Variants in ANTXR1 observed in about 807,000 individuals in gnomAD.
ANTXR1 encodes the protein ANTXR cell adhesion molecule 1, also known as anthrax toxin receptor 1.
ANTXR1 carries 19 observed loss-of-function variants against 78.1 expected under a neutral mutation model. That is an observed-to-expected ratio of 0.24 (90% CI 0.17 to 0.36). ANTXR1 has a LOEUF of 0.36. Ranked by LOEUF, ANTXR1 falls within the 10% of genes least tolerant of loss-of-function variation. The pLI, the probability that ANTXR1 is intolerant of heterozygous loss-of-function variation, is 1.00. For missense variants in ANTXR1, 518 were observed against 718.6 expected (o/e 0.72, Z 3.19); for synonymous variants, 273 against 260.5 (o/e 1.05, Z -0.46).
At chr2:69,137,582 C>T (rs1019853295) in intron 12 of ANTXR1, among the ~76,000 whole-genome samples, 10 of 151,990 alleles carry the variant, frequency 6.6e-5, no homozygotes, top group African/African-American at 2.4e-4. Flanking sequence ...GCCTGGGCAA[C>T]AGGCTCTACA....
At chr2:69,172,464 A>G (rs1674016237) in intron 14 of ANTXR1, 9 of 1,556,096 alleles carry the variant, frequency 5.8e-6, no homozygotes, top group Non-Finnish European at 7.8e-6. Flanking sequence ...CAATGCTCTG[A>G]AAATCATAGT....
At chr2:69,231,367 A>G (rs1008657860) in intron 17 of ANTXR1, among the ~76,000 whole-genome samples, 1 of 152,130 alleles carries the variant, frequency 6.6e-6, no homozygotes. Flanking sequence ...CCATCAGGCA[A>G]TGACTAAAGC....
chr2:69,246,986 T>G lies in ANTXR1; in HGVS notation c.*1501T>G, dbSNP rs1431975241. 1 of 152,160 alleles carries G rather than the reference T, an allele frequency of 6.6e-6. No homozygotes were observed. The highest frequency in any genetic ancestry group is 1.5e-5 in the Non-Finnish European group (1 of 68,042). 9.4% of individuals were successfully genotyped at this position (152,160 alleles called of 1,614,324 possible). ...TGGCTTGGGCTATGGTCTCCAAAGA[T>G]CCTTCAAAAATACATCAAGCCAGCT... On this transcript the variant is annotated 3_prime_UTR_variant, in exon 18 of 18. Coordinates refer to ENST00000303714, the MANE Select transcript of ANTXR1 (RefSeq NM_032208.3).
chr2:69,077,228 C>T, intron 7 of ANTXR1, 180 bp from the exon 8 acceptor site: 2 of 650,364 alleles, frequency 3.1e-6, no homozygotes, highest in Non-Finnish European at 5.5e-6. Context: ...CCAGAGAGGC[C>T]ACTGGTGAGC....
At chr2:69,051,608 A>G (rs1669935881) in intron 3 of ANTXR1, among the ~76,000 whole-genome samples, 1 of 152,066 alleles carries the variant, frequency 6.6e-6, no homozygotes, top group South Asian at 2.1e-4. Flanking sequence ...AATTTTATTT[A>G]GTATCCATGG....
intron 8 of ANTXR1, among the ~76,000 whole-genome samples, chr2:69,084,078 T>C (rs4854542): frequency 0.74 from 113,134 of 152,158 alleles, 43,279 homozygotes; most frequent in African/African-American, 0.93. Context: ...AGATCATTCC[T>C]ATTCTTCCTG....
At chr2:69,084,379 A>G (rs532908846) in intron 8 of ANTXR1, among the ~76,000 whole-genome samples, 2 of 152,300 alleles carry the variant, frequency 1.3e-5, no homozygotes, top group East Asian at 1.9e-4. Flanking sequence ...AGTAGCATCT[A>G]TTTAAGTGAG....
chr2:69,055,437 T>C (rs1284176002), intron 3 of ANTXR1, among the ~76,000 whole-genome samples: 1 of 152,088 alleles, frequency 6.6e-6, no homozygotes, highest in African/African-American at 2.4e-5. Context: ...TCCATGTTGG[T>C]CACAATGATG....
chr2:69,110,818 G>C (rs80285475), intron 10 of ANTXR1, among the ~76,000 whole-genome samples: 57,219 of 151,376 alleles, frequency 0.38, 11,221 homozygotes, highest in East Asian at 0.49. Context: ...GCCAAGATTG[G>C]GCCACTGCAT....
chr2:69,054,837 A>T (rs1453690380), intron 3 of ANTXR1, among the ~76,000 whole-genome samples: 1 of 152,144 alleles, frequency 6.6e-6, no homozygotes, highest in Non-Finnish European at 1.5e-5. Context: ...GATTCATTTC[A>T]TTTTGAGGTA....
chr2:69,164,415 A>G (rs1673772666), intron 13 of ANTXR1, among the ~76,000 whole-genome samples: 1 of 152,254 alleles, frequency 6.6e-6, no homozygotes, highest in African/African-American at 2.4e-5. Flanking sequence ...GAAGTTTATT[A>G]TAATCAGAAA....
At chr2:69,051,829 T>TATATATAA (rs1669942600) in intron 3 of ANTXR1, among the ~76,000 whole-genome samples, 1 of 152,132 alleles carries the variant, frequency 6.6e-6, no homozygotes. Flanking sequence ...AGTGTGCATC[T>TATATATAA]AATCAATATA....
intron 1 of ANTXR1, among the ~76,000 whole-genome samples, chr2:69,023,516 A>AGAT (rs893213627): frequency 3.8e-4 from 32 of 83,750 alleles, no homozygotes; most frequent in East Asian, 2.1e-3. Context: ...GTGGAGGTGG[A>AGAT]GATGATGATG....
chr2:69,240,588 A>G (rs1675872093), intron 17 of ANTXR1, among the ~76,000 whole-genome samples: 1 of 152,242 alleles, frequency 6.6e-6, no homozygotes, highest in Non-Finnish European at 1.5e-5. Flanking sequence ...TTCGGGAACA[A>G]TCGTTTGACT....
chr2:69,188,018 T>C (rs1028791719), intron 16 of ANTXR1, among the ~76,000 whole-genome samples: 32 of 69,038 alleles, frequency 4.6e-4, no homozygotes, highest in Non-Finnish European at 7.4e-4. Context: ...GAAGAAAAGA[T>C]ACAACTGCTG....
intron 17 of ANTXR1, among the ~76,000 whole-genome samples, chr2:69,242,605 C>A (rs759797596): frequency 6.6e-6 from 1 of 152,186 alleles, no homozygotes; most frequent in Non-Finnish European, 1.5e-5. Context: ...GCACTCAACC[C>A]CAGGCACCAG....
chr2:69,181,695 A>G, intron 14 of ANTXR1, 91 bp from the exon 15 acceptor site: 2 of 1,258,308 alleles, frequency 1.6e-6, no homozygotes, highest in Non-Finnish European at 2.3e-6. Context: ...GTCTGACTCT[A>G]TAAGCTCTAC....
intron 13 of ANTXR1, among the ~76,000 whole-genome samples, chr2:69,159,977 C>A (rs1673635123): frequency 6.6e-6 from 1 of 152,142 alleles, no homozygotes; most frequent in South Asian, 2.1e-4. Flanking sequence ...TTTGTAGGGC[C>A]AGACAACCCA....
chr2:69,023,161 G>T (rs1671243101), intron 1 of ANTXR1, among the ~76,000 whole-genome samples: 1 of 152,198 alleles, frequency 6.6e-6, no homozygotes, highest in Non-Finnish European at 1.5e-5. Flanking sequence ...CTTCAGTATT[G>T]TTAATAAAAT....
Sources: gnomAD v4.1 joint callset for allele counts (sites outside exome capture counted in the v4.1 genomes callset) on GRCh38, gnomAD v4.1.1 for gene constraint, MANE v1.5 for transcripts, NCBI Gene and HGNC (gene_info 2026-07-23, HGNC 2026-07-21) for gene names.